Variants in SFPQ observed in about 807,000 individuals in gnomAD.
SFPQ encodes the protein splicing factor, proline- and glutamine-rich.
Under a neutral mutation model 72.9 loss-of-function variants are expected in SFPQ, and 11 were observed. That is an observed-to-expected ratio of 0.15 (90% confidence interval 0.09 to 0.25). The LOEUF (loss-of-function observed/expected upper bound fraction) is 0.25, where lower values mean the gene tolerates loss of function less well. Ranked by LOEUF, SFPQ falls within the 10% of genes least tolerant of loss-of-function variation. The pLI, the probability that SFPQ is intolerant of heterozygous loss-of-function variation, is 1.00. For synonymous variants in SFPQ, 506 were observed against 367.3 expected (o/e 1.38, Z -4.32); for missense variants, 847 against 993.3 (o/e 0.85, Z 1.98).
At chr1:35,178,036 C>G (rs1175665594), downstream of SFPQ, 1 of 1,284,052 alleles carries the variant, frequency 7.8e-7, no homozygotes, top group Non-Finnish European at 1.0e-6. Flanking sequence ...ATCATTCTTA[C>G]CTAAAGAATA....
chr1:35,179,741 A>T, downstream of SFPQ: 1 of 1,056,616 alleles, frequency 9.5e-7, no homozygotes, highest in Non-Finnish European at 1.1e-6. Flanking sequence ...AAAGTTCCTG[A>T]AGTCCATATA....
At chr1:35,187,290 A>T in intron 7 of SFPQ, 39 bp from the exon 8 acceptor site, 1 of 1,578,734 alleles carries the variant, frequency 6.3e-7, no homozygotes, top group Non-Finnish European at 8.7e-7. Context: ...CCTGCACTAT[A>T]CCCACAGCAA....
rs753423179 is a variant in SFPQ, at chr1:35,190,584, A to G, written c.1329T>C (p.Arg443=). The change falls in exon 4 of 10, where the codon CGT becomes CGC. Residue 443 remains arginine, a synonymous_variant. Transcript: ENST00000357214. ...EGVFLLTTTP[R]PVIVEPLEQL... is the part of the protein sequence containing the mutation. ...GTTCAAGTGGTTCCACAATGACTGG[A>G]CGAGGAGTTCTAATAACAAAAATGG... 1.4e-5 allele frequency: 22 copies of G among 1,613,134 alleles called. No homozygotes were observed. The South Asian group carries it at 2.3e-4, about 17-fold the overall frequency.
downstream of SFPQ, chr1:35,182,382 T>C: frequency 5.1e-6 from 5 of 985,416 alleles, no homozygotes; most frequent in Non-Finnish European, 6.0e-6. Flanking sequence ...ATAATCATGG[T>C]AAAACTACTC....
At chr1:35,189,555 A>G (rs1289914427) in intron 4 of SFPQ, among the ~76,000 whole-genome samples, 173 bp from the exon 5 acceptor site, 3 of 152,236 alleles carry the variant, frequency 2.0e-5, no homozygotes, top group African/African-American at 7.2e-5. Context: ...AACACTCAGT[A>G]AAAGAATGCA....
chr1:35,188,874 T>C, intron 6 of SFPQ, 129 bp downstream of exon 6: 1 of 699,476 alleles, frequency 1.4e-6, no homozygotes, highest in Non-Finnish European at 2.5e-6. Context: ...GGCAAGAGAA[T>C]CGCTTGAACC....
chr1:35,187,766 AACAAAAAAACCAAGAAACAAAAC>A (rs1293320810), intron 7 of SFPQ, among the ~76,000 whole-genome samples, 184 bp downstream of exon 7: 2 of 151,892 alleles, frequency 1.3e-5, no homozygotes, highest in Non-Finnish European at 2.9e-5. Context: ...AACAAAACAA[AACAAAAAAACCAAGAAACAAAAC>A]ACAAAAAAAC....
chr1:35,183,802 TTG>T lies in SFPQ; in HGVS notation c.*652_*653del. The T allele has an allele frequency of 9.5e-7, 1 of 1,055,044 alleles. No homozygotes were observed. The highest frequency in any genetic ancestry group is 1.6e-5 in the African/African-American group (1 of 60,628). 65.4% of individuals were successfully genotyped at this position (1,055,044 alleles called of 1,614,324 possible). On this transcript the variant is annotated 3_prime_UTR_variant, in exon 10 of 10. Coordinates refer to ENST00000357214, the MANE Select transcript of SFPQ (RefSeq NM_005066.3). ...CAAACCCACTTTCACCCCCTACCAA[TTG>T]TCTTACACCCATTCCACAATCTTAA...
chr1:35,178,529 T>C (rs1639339244), downstream of SFPQ: 4 of 1,061,722 alleles, frequency 3.8e-6, no homozygotes, highest in Non-Finnish European at 3.4e-6. Flanking sequence ...GCTGTAGTTG[T>C]TGTCCTGCAA....
At chr1:35,188,206 T>C (rs1639819151) in intron 6 of SFPQ, 116 bp from the exon 7 acceptor site, 1 of 769,508 alleles carries the variant, frequency 1.3e-6, no homozygotes, top group African/African-American at 1.7e-5. Flanking sequence ...ACACAAAGGC[T>C]TAGAGTGAGC....
At chr1:35,181,509 G>A (rs1331102795), downstream of SFPQ, 2 of 1,063,076 alleles carry the variant, frequency 1.9e-6, no homozygotes, top group South Asian at 4.6e-5. Context: ...TGAGTTTAAT[G>A]TTCTAAGCAA....
chr1:35,178,756 T>A, downstream of SFPQ: 10 of 1,054,206 alleles, frequency 9.5e-6, no homozygotes, highest in Non-Finnish European at 1.1e-5. Flanking sequence ...GAATGATTAC[T>A]GCAAAGGGTA....
At chr1:35,188,400 A>G (rs999388730) in intron 6 of SFPQ, among the ~76,000 whole-genome samples, 3 of 152,260 alleles carry the variant, frequency 2.0e-5, no homozygotes, top group South Asian at 2.1e-4. Flanking sequence ...ATGTTAGTGC[A>G]TAAGTCAAGG....
At chr1:35,188,249 A>G (rs1348538805) in intron 6 of SFPQ, among the ~76,000 whole-genome samples, 159 bp from the exon 7 acceptor site, 1 of 152,248 alleles carries the variant, frequency 6.6e-6, no homozygotes, top group Non-Finnish European at 1.5e-5. Context: ...ATTCTGGCAA[A>G]TAATGTAGGC....
At position 35,183,513 on chromosome 1, in the gene SFPQ, G is replaced by T; in HGVS notation, c.*943C>A. On this transcript the variant is annotated 3_prime_UTR_variant, in exon 10 of 10. Coordinates refer to ENST00000357214, the MANE Select transcript of SFPQ (RefSeq NM_005066.3). ...ATTACAGGCGTGAGCCACCGCGCCC[G>T]GCCCAGTTACTAAACCTTCTTACTT... The T allele has an allele frequency of 9.9e-7, 1 of 1,009,636 alleles. No individual in the cohort carries two copies. Among genetic ancestry groups the T allele is most frequent in the Non-Finnish European group, 1.2e-6 (1 of 843,012 alleles). The allele number at this position is 1,009,636 out of a possible 1,614,324, so 62.5% of individuals were successfully genotyped here. A position where few individuals can be genotyped will look rare whatever the true frequency, so the allele number is the denominator to read the frequency against.
chr1:35,191,014 C>T lies in SFPQ; in HGVS notation c.1018-19G>A, dbSNP rs1639967253. On this transcript the variant is annotated intron_variant, in intron 2 of 9. Transcript: ENST00000357214. ...TAGATTCCTGTGTATCAGAGACACT[C>T]ATGTTAATGACCTCAAAATTGGATG... The T allele has an allele frequency of 3.7e-6, 6 of 1,600,614 alleles. No individual in the cohort carries two copies. The East Asian group carries it at 1.3e-4, about 36-fold the overall frequency.
chr1:35,190,308 G>GTA (rs2148623606), intron 4 of SFPQ, among the ~76,000 whole-genome samples, 190 bp downstream of exon 4: 1 of 152,344 alleles, frequency 6.6e-6, no homozygotes, highest in East Asian at 1.9e-4. Context: ...GCATGTGAAT[G>GTA]TATCCACCTT....
rs1023820652 is a variant in SFPQ, at chr1:35,183,282, A to G, written c.*1174T>C. The G allele has an allele frequency of 1.8e-6, 1 of 551,304 alleles. No individual in the cohort carries two copies. The highest frequency in any genetic ancestry group is 2.1e-5 in the African/African-American group (1 of 48,600). 34.2% of individuals were successfully genotyped at this position (551,304 alleles called of 1,614,324 possible). On this transcript the variant is annotated 3_prime_UTR_variant, in exon 10 of 10. Transcript: ENST00000357214. ...GTTGTCCAGGCTGGAGTGCAGTGGC[A>G]GTCTCAGCTCACTGCAACCTCCATC...
downstream of SFPQ, chr1:35,182,018 C>A (rs1639489593): frequency 1.0e-5 from 10 of 985,260 alleles, no homozygotes; most frequent in African/African-American, 1.7e-5. Flanking sequence ...TATCCATTAG[C>A]ATCCTTCACC....
Sources: gnomAD v4.1 joint callset for allele counts (sites outside exome capture counted in the v4.1 genomes callset) on GRCh38, gnomAD v4.1.1 for gene constraint, MANE v1.5 for transcripts, NCBI Gene and HGNC (gene_info 2026-07-23, HGNC 2026-07-21) for gene names.